ZNF18: variants seen among roughly 807,000 people sequenced by gnomAD.
ZNF18 encodes the protein zinc finger protein 18, also known as heart development-specific gene 1 protein.
A neutral mutation model predicts 58.1 loss-of-function variants in ZNF18; 42 were observed. The ratio of observed to expected loss-of-function variants is 0.72; its 90% CI spans 0.56 to 0.93. The LOEUF is 0.93. Ranked by LOEUF, ZNF18 falls within the 40% of genes least tolerant of loss-of-function variation. The probability of loss-of-function intolerance (pLI) is 0.00; values close to 1 mark genes in which losing one functional copy is unlikely to be tolerated. For missense variants in ZNF18, 540 were observed against 644.2 expected, an observed-to-expected ratio of 0.84 and a Z score of 1.75; for synonymous variants, 231 against 239.8, an observed-to-expected ratio of 0.96 and a Z score of 0.34.
intron 1 of ZNF18, among the ~76,000 whole-genome samples, chr17:11,994,558 G>C (rs1968342210): frequency 6.6e-6 from 1 of 152,144 alleles, no homozygotes; most frequent in Non-Finnish European, 1.5e-5. Flanking sequence ...TTATAAGGAA[G>C]AGGCCAGGCC....
rs1967079536 is a variant in ZNF18, at chr17:11,977,693, TC to T, written c.*263del. On this transcript the variant is annotated 3_prime_UTR_variant, in exon 7 of 7. Coordinates refer to ENST00000580306, the MANE Select transcript of ZNF18 (RefSeq NM_001303281.2). ...AACTGGATCTCCAATTTAGACTTTT[TC>T]CCCGATGGGTCCAAAGGAAGGATGA... The T allele has an allele frequency of 8.2e-6, 3 of 366,024 alleles. No individual in the cohort carries two copies. Among genetic ancestry groups the T allele is most frequent in the African/African-American group, 6.2e-5 (3 of 48,192 alleles). 22.7% of individuals were successfully genotyped at this position (366,024 alleles called of 1,614,324 possible).
chr17:11,999,550 A>G (rs1237578225), upstream of ZNF18, among the ~76,000 whole-genome samples: 1 of 152,262 alleles, frequency 6.6e-6, no homozygotes, highest in Non-Finnish European at 1.5e-5. Context: ...TTAGGAAATA[A>G]TGAAAAGGTG....
chr17:11,988,929 TG>T (rs1407919307), intron 4 of ZNF18, among the ~76,000 whole-genome samples: 5 of 151,872 alleles, frequency 3.3e-5, no homozygotes, highest in Admixed American at 3.3e-4. Flanking sequence ...GAGACCCAGC[TG>T]GGTGGATCAC....
the ZNF18 span, among the ~76,000 whole-genome samples, chr17:12,013,805 T>G: frequency 2.6e-4 from 40 of 152,350 alleles, no homozygotes; most frequent in African/African-American, 9.1e-4. Context: ...TCTATATTGC[T>G]GATAAAGTGC....
intron 4 of ZNF18, among the ~76,000 whole-genome samples, chr17:11,985,152 G>A (rs555051034): frequency 1.1e-4 from 16 of 152,222 alleles, no homozygotes; most frequent in African/African-American, 3.9e-4. Flanking sequence ...AGGTTCTCTG[G>A]AGCAAGGTGT....
intron 2 of ZNF18, among the ~76,000 whole-genome samples, chr17:11,991,677 T>G (rs1377134771): frequency 2.6e-5 from 4 of 152,162 alleles, no homozygotes; most frequent in African/African-American, 9.7e-5. Context: ...AAGAAGAGTC[T>G]TTGTTATTCA....
chr17:11,980,904 T>A (rs778344943), intron 6 of ZNF18, among the ~76,000 whole-genome samples: 5 of 152,218 alleles, frequency 3.3e-5, no homozygotes, highest in African/African-American at 7.2e-5. Context: ...AACATTTTTT[T>A]AAAACTATTC....
chr17:12,019,294 A>ATGTGTG, the ZNF18 span, among the ~76,000 whole-genome samples: 793 of 145,426 alleles, frequency 5.5e-3, 5 homozygotes, highest in East Asian at 8.3e-3. Flanking sequence ...ATAATATTGG[A>ATGTGTG]TGTGTGTGTG....
chr17:11,985,520 T>C (rs1414217286), intron 4 of ZNF18, among the ~76,000 whole-genome samples: 2 of 152,144 alleles, frequency 1.3e-5, no homozygotes, highest in Admixed American at 1.3e-4. Context: ...CACACTGTAC[T>C]TTTTTTATTT....
chr17:11,983,356 TC>T lies in ZNF18; in HGVS notation c.802del (p.Glu268LysfsTer20), dbSNP rs766313102. ...SDLTNSIEFG[E>X]ELAGIYLHVN... is the part of the protein sequence containing the mutation. ...ATGAAGGTATATTCCTGCCAGCTCT[TC>T]CCCAAATTCTATTGAATTAGTCAGG... On this transcript the variant is annotated frameshift_variant, in exon 6 of 7. Transcript: ENST00000580306. LOFTEE classifies it high-confidence loss of function. The T allele has an allele frequency of 2.5e-6, 4 of 1,614,080 alleles. No individual in the cohort carries two copies. Among genetic ancestry groups the T allele is most frequent in the African/African-American group, 2.7e-5 (2 of 75,014 alleles).
chr17:12,008,154 G>T, the ZNF18 span, among the ~76,000 whole-genome samples: 1 of 152,136 alleles, frequency 6.6e-6, no homozygotes, highest in South Asian at 2.1e-4. Flanking sequence ...AATTAAGCAA[G>T]GAATGCATTC....
At chr17:12,012,554 G>A in the ZNF18 span, among the ~76,000 whole-genome samples, 2 of 152,204 alleles carry the variant, frequency 1.3e-5, no homozygotes, top group East Asian at 1.9e-4. Flanking sequence ...CCATTGAGCT[G>A]TGCCAATGTA....
the ZNF18 span, among the ~76,000 whole-genome samples, chr17:12,007,426 G>A: frequency 4.7e-4 from 72 of 152,178 alleles, no homozygotes; most frequent in African/African-American, 1.4e-3. Context: ...ATTCTTCTTC[G>A]GTCCTCCTAA....
At chr17:12,003,576 G>T in the ZNF18 span, among the ~76,000 whole-genome samples, 1 of 152,126 alleles carries the variant, frequency 6.6e-6, no homozygotes, top group Non-Finnish European at 1.5e-5. Context: ...AGTATATATG[G>T]TGGATAAATC....
In ZNF18 at chr17:11,977,671, T is replaced by C; in HGVS notation, c.*286A>G. 1 of 317,684 alleles carries C rather than the reference T, an allele frequency of 3.1e-6. No individual in the cohort carries two copies. The highest frequency in any genetic ancestry group is 5.7e-6 in the Non-Finnish European group (1 of 174,368). The allele number at this position is 317,684 out of a possible 1,614,324, so 19.7% of individuals were successfully genotyped here. On this transcript the variant is annotated 3_prime_UTR_variant, in exon 7 of 7. Transcript: ENST00000580306. ...GCTTCCCAGAAAGCACTTCTAAAAC[T>C]GGATCTCCAATTTAGACTTTTTCCC...
chr17:11,978,081 C>G lies in ZNF18; in HGVS notation c.1526G>C (p.Arg509Thr). 6.2e-7 allele frequency: 1 copy of G among 1,614,014 alleles called. No individual in the cohort carries two copies. The highest frequency in any genetic ancestry group is 1.1e-5 in the South Asian group (1 of 91,068). ...CTCTCCAGTGTGAACCCTCTGATGT[C>G]TATTAAAGTTTGATCTCTGAATGAA... is the stretch of plus-strand genomic sequence containing the variant. ...KSFIQRSNFN[R>T]HQRVHTGEKP... is the part of the protein sequence containing the mutation. Residue 509 changes from arginine (R) to threonine (T), a missense_variant, in exon 7 of 7, where the codon AGA (arginine) becomes ACA (threonine). Physicochemically the swap from Arg to Thr is moderately conservative, Grantham distance 71. Transcript: ENST00000580306.
intron 4 of ZNF18, among the ~76,000 whole-genome samples, chr17:11,989,982 T>A (rs184307732): frequency 9.8e-5 from 15 of 152,290 alleles, no homozygotes; most frequent in South Asian, 4.2e-4. Context: ...CTCTGATACA[T>A]GTATATACAT....
chr17:11,988,878 G>A (rs1041490526), intron 4 of ZNF18, among the ~76,000 whole-genome samples: 1 of 152,036 alleles, frequency 6.6e-6, no homozygotes, highest in Non-Finnish European at 1.5e-5. Context: ...AGCCAAGCAG[G>A]CCGGGCATGG....
At chr17:12,009,453 T>C in the ZNF18 span, among the ~76,000 whole-genome samples, 1 of 151,334 alleles carries the variant, frequency 6.6e-6, no homozygotes, top group African/African-American at 2.4e-5. Context: ...TTTTTTTTTT[T>C]TTTCTTTTTC....
Sources: allele counts gnomAD v4.1 joint callset (sites outside exome capture counted in the v4.1 genomes callset), GRCh38; gene constraint gnomAD v4.1.1; transcripts MANE v1.5; gene names NCBI Gene and HGNC (gene_info 2026-07-23, HGNC 2026-07-21).